PRPF18: variants seen among roughly 807,000 people sequenced by gnomAD.
PRPF18 encodes pre-mRNA-splicing factor 18.
A neutral mutation model predicts 46.5 loss-of-function variants in PRPF18; 38 were observed. That is an observed-to-expected ratio of 0.82 (90% confidence interval 0.63 to 1.07). PRPF18 has a LOEUF of 1.07. Among genes scored for constraint, PRPF18 ranks in the 50% least tolerant of loss-of-function variants. The pLI, the probability that PRPF18 is intolerant of heterozygous loss-of-function variation, is 0.00. For synonymous variants in PRPF18, 152 were observed against 146.7 expected, an observed-to-expected ratio of 1.04 and a Z score of -0.26; for missense variants, 263 against 410.0, an observed-to-expected ratio of 0.64 and a Z score of 3.10.
At chr10:13,653,980 C>T in the PRPF18 span, 5 of 244,052 alleles carry the variant, frequency 2.0e-5, no homozygotes, top group East Asian at 2.4e-4. Flanking sequence ...CTTTTTCTTG[C>T]ACCCTGAGAC....
chr10:13,620,694 ATTAT>A (rs1446918671), intron 9 of PRPF18, among the ~76,000 whole-genome samples: 1 of 152,224 alleles, frequency 6.6e-6, no homozygotes, highest in Non-Finnish European at 1.5e-5. Flanking sequence ...GTCTGAGATA[ATTAT>A]TTTTTTATTT....
rs542435641 is a variant in PRPF18 at position 13,588,180 on chromosome 10, G to A, written c.66+1028G>A. On this transcript the variant is annotated intron_variant, in intron 1 of 9. Transcript: ENST00000378572. The stretch of plus-strand genomic sequence containing the variant: ...ACCTGTAATCCCCACACTTTGGTGG[G>A]CAGATCACCTGAGGTCAGGAGTTCG... 2.6e-5 allele frequency among the ~76,000 whole-genome samples: 4 copies of A among 152,262 alleles called. No homozygotes were observed. In the South Asian group the frequency reaches 8.3e-4, roughly 32 times the overall value.
chr10:13,649,867 TA>T, the PRPF18 span, among the ~76,000 whole-genome samples: 1 of 152,152 alleles, frequency 6.6e-6, no homozygotes, highest in Non-Finnish European at 1.5e-5. Flanking sequence ...GTTGCCCTAG[TA>T]AAAACCTAAA....
At chr10:13,638,087 GTCC>G in the PRPF18 span, 13 of 152,326 alleles carry the variant, frequency 8.5e-5, no homozygotes, top group East Asian at 2.3e-3. Context: ...GTATGACATG[GTCC>G]TGCGAAGAAG....
chr10:13,654,121 G>C, the PRPF18 span: 1 of 528,942 alleles, frequency 1.9e-6, no homozygotes, highest in Non-Finnish European at 3.3e-6. Context: ...ATGAAATGCT[G>C]TCTGGAAATC....
At chr10:13,598,783 C>G (rs1564451944) in intron 2 of PRPF18, among the ~76,000 whole-genome samples, 1 of 152,160 alleles carries the variant, frequency 6.6e-6, no homozygotes, top group African/African-American at 2.4e-5. Flanking sequence ...CACACTTGGT[C>G]TGGAATAAGA....
chr10:13,611,186 G>C (rs1262992501), intron 5 of PRPF18, among the ~76,000 whole-genome samples: 2 of 128,020 alleles, frequency 1.6e-5, no homozygotes, highest in African/African-American at 2.7e-5. Flanking sequence ...CCAGTTGTGG[G>C]CTTTTTTTTT....
the PRPF18 span, chr10:13,647,784 T>C: frequency 2.0e-5 from 3 of 149,544 alleles, no homozygotes; most frequent in African/African-American, 7.4e-5. Context: ...TTAGGTTGGG[T>C]AGAAGTAATT....
At chr10:13,626,958 T>C (rs2080517043) in intron 9 of PRPF18, among the ~76,000 whole-genome samples, 1 of 152,216 alleles carries the variant, frequency 6.6e-6, no homozygotes, top group Non-Finnish European at 1.5e-5. Context: ...ACCACCTTCC[T>C]TGCTGCCACT....
At chr10:13,655,179 G>C in the PRPF18 span, 1 of 152,146 alleles carries the variant, frequency 6.6e-6, no homozygotes, top group Non-Finnish European at 1.5e-5. Context: ...TGCATCCTTT[G>C]CTTTTTTGGT....
the PRPF18 span, chr10:13,654,155 T>C: frequency 3.6e-6 from 2 of 560,644 alleles, no homozygotes; most frequent in South Asian, 4.9e-5. Context: ...ACAGTCCCAC[T>C]TCGTGCTTCC....
chr10:13,633,391 A>G (rs1398642616), downstream of PRPF18, among the ~76,000 whole-genome samples: 1 of 152,160 alleles, frequency 6.6e-6, no homozygotes, highest in Non-Finnish European at 1.5e-5. Context: ...AGAGCACTCT[A>G]GGGTTTGATC....
rs776673926 is a variant in PRPF18 at position 13,597,538 on chromosome 10, A to G, written c.144+3A>G. 3.7e-6 allele frequency: 6 copies of G among 1,609,866 alleles called. No homozygotes were observed. The South Asian group carries it at 4.4e-5, about 12-fold the overall frequency. ...ATTTTGAAAGATGTGGCTACAAGGT[A>G]TGAATGTCTGCTTTTATGTTAAATT... On this transcript the variant is annotated splice_donor_region_variant and intron_variant, in intron 2 of 9. Transcript: ENST00000378572.
chr10:13,621,095 C>T (rs2133913869), intron 9 of PRPF18, among the ~76,000 whole-genome samples: 1 of 152,272 alleles, frequency 6.6e-6, no homozygotes, highest in East Asian at 1.9e-4. Flanking sequence ...TTCAATCATT[C>T]CCAGATAGCT....
At chr10:13,623,200 CAAAAAA>C (rs936552341) in intron 9 of PRPF18, among the ~76,000 whole-genome samples, 1 of 146,218 alleles carries the variant, frequency 6.8e-6, no homozygotes, top group Admixed American at 6.8e-5. Flanking sequence ...GACTCCGTCT[CAAAAAA>C]AGAAAAAAAA....
chr10:13,629,830 A>G (rs752814042), intron 9 of PRPF18, among the ~76,000 whole-genome samples: 3 of 152,364 alleles, frequency 2.0e-5, no homozygotes, highest in Admixed American at 6.5e-5. Context: ...TTTTAGATGC[A>G]TAAGGGAGAA....
intron 4 of PRPF18, among the ~76,000 whole-genome samples, chr10:13,608,103 A>G (rs752916923): frequency 6.6e-6 from 1 of 152,254 alleles, no homozygotes; most frequent in South Asian, 2.1e-4. Flanking sequence ...ATTTATCATT[A>G]CCAAATCTGT....
the PRPF18 span, among the ~76,000 whole-genome samples, chr10:13,636,708 AATTGTT>A: frequency 6.6e-6 from 1 of 152,182 alleles, no homozygotes; most frequent in African/African-American, 2.4e-5. Flanking sequence ...CAGAAAAGGT[AATTGTT>A]ATTAACTCCC....
At chr10:13,641,112 A>G in the PRPF18 span, 5 of 152,118 alleles carry the variant, frequency 3.3e-5, no homozygotes, top group African/African-American at 1.2e-4. Flanking sequence ...TTTCTTATCT[A>G]TTATGTTATC....
Sources: allele counts gnomAD v4.1 joint callset (sites outside exome capture counted in the v4.1 genomes callset), GRCh38; gene constraint gnomAD v4.1.1; transcripts MANE v1.5; gene names NCBI Gene and HGNC (gene_info 2026-07-23, HGNC 2026-07-21).